The following COL15A1 variants were observed in gnomAD, a reference collection of about 807,000 sequenced individuals.
COL15A1 encodes the protein collagen type XV alpha 1 chain.
A neutral mutation model predicts 165.9 loss-of-function variants in COL15A1; 111 were observed. The observed-to-expected ratio is 0.67, with a 90% CI of 0.57 to 0.78. COL15A1 has a LOEUF of 0.78. COL15A1 is among the 30% of genes least tolerant of loss of function. The pLI is 0.00. For synonymous variants in COL15A1, 659 were observed against 674.8 expected (o/e 0.98, Z 0.36); for missense variants, 1,745 against 1,789.7 (o/e 0.98, Z 0.45).
At chr9:99,024,142 C>T (rs1588520292) in intron 14 of COL15A1, among the ~76,000 whole-genome samples, 1 of 152,154 alleles carries the variant, frequency 6.6e-6, no homozygotes, top group East Asian at 1.9e-4. Context: ...GTTCTGGACT[C>T]CGTGGTTAAA....
rs754689717 is a variant in COL15A1, at chr9:99,070,725, T to C, written c.*839T>C. ...CTGAGAAACATATATCTACATGTTG[T>C]ATAATTGGATTTTTTTTCCATGTAA... is the stretch of plus-strand genomic sequence containing the variant. On this transcript the variant is annotated 3_prime_UTR_variant, in exon 42 of 42. Transcript: ENST00000375001. 22 of 375,498 alleles carry C rather than the reference T, an allele frequency of 5.9e-5. No homozygotes were observed. Among genetic ancestry groups the C allele is most frequent in the Non-Finnish European group, 7.0e-5 (13 of 186,756 alleles). The allele number at this position is 375,498 out of a possible 1,614,324, so 23.3% of individuals were successfully genotyped here.
intron 2 of COL15A1, among the ~76,000 whole-genome samples, chr9:98,966,533 GTA>G (rs1055749857): frequency 6.6e-6 from 1 of 152,204 alleles, no homozygotes; most frequent in African/African-American, 2.4e-5. Context: ...GACCCTAACA[GTA>G]TATAACAGAG....
chr9:99,019,047 G>A lies in COL15A1; in HGVS notation c.1648-1342G>A, dbSNP rs117680963. Among the ~76,000 whole-genome samples, 94 of 152,344 alleles carry A rather than the reference G, an allele frequency of 6.2e-4. 2 individuals carry two copies. The East Asian group carries it at 0.014, about 23-fold the overall frequency. ...AGAGAGAAACGGAGACATGGTTGAT[G>A]TCTGATGAAGACATTCCTGCTAAGT... On this transcript the variant is annotated intron_variant, in intron 11 of 41. Coordinates refer to ENST00000375001, the MANE Select transcript of COL15A1 (RefSeq NM_001855.5).
chr9:98,984,038 CTTTGGCG>C (rs1229722153), intron 2 of COL15A1, among the ~76,000 whole-genome samples: 1 of 152,208 alleles, frequency 6.6e-6, no homozygotes, highest in Non-Finnish European at 1.5e-5. Flanking sequence ...GGCCTCTGGC[CTTTGGCG>C]ATAGCCCAGA....
Position 98,944,027 on chromosome 9 carries a change from G to C in COL15A1, c.-35G>C. The C allele has an allele frequency of 6.2e-7, 1 of 1,613,598 alleles. No homozygotes were observed. The highest frequency in any genetic ancestry group is 1.1e-5 in the South Asian group (1 of 90,992). ...TAAGCTCCAACGCTCTGCTCGACTAGCCGCGCGCCTTCCGGGGCTCCGCAG... is the reference window on the plus strand; with the variant it reads ...TAAGCTCCAACGCTCTGCTCGACTACCCGCGCGCCTTCCGGGGCTCCGCAG... On this transcript the variant is annotated 5_prime_UTR_variant, in exon 1 of 42. Coordinates refer to ENST00000375001, the MANE Select transcript of COL15A1 (RefSeq NM_001855.5).
At chr9:99,007,381 TG>T (rs1386941104) in intron 9 of COL15A1, among the ~76,000 whole-genome samples, 2 of 152,246 alleles carry the variant, frequency 1.3e-5, no homozygotes, top group Non-Finnish European at 2.9e-5. Context: ...TTAGTGATTT[TG>T]GGGGTCCTGA....
chr9:99,004,777 A>G, intron 8 of COL15A1, 121 bp from the exon 9 acceptor site: 4 of 1,081,884 alleles, frequency 3.7e-6, no homozygotes, highest in South Asian at 1.4e-5. Flanking sequence ...GTGGGTTTCC[A>G]TGTGAAGTGA....
chr9:99,047,935 T>A lies in COL15A1; in HGVS notation c.2734-6T>A. 1 of 1,609,992 alleles carries A rather than the reference T, an allele frequency of 6.2e-7. No homozygotes were observed. The highest frequency in any genetic ancestry group is 8.5e-7 in the Non-Finnish European group (1 of 1,176,510). On this transcript the variant is annotated splice_region_variant and splice_polypyrimidine_tract_variant and intron_variant, in intron 27 of 41. Transcript: ENST00000375001. The stretch of plus-strand genomic sequence containing the variant: ...GGTTTACTGAGGTGTCTGCTGTGGG[T>A]TCCAGGGTCGCCCAGGACTGAATGG...
chr9:99,068,489 G>GTT, intron 40 of COL15A1, 66 bp from the exon 41 acceptor site: 1 of 484,708 alleles, frequency 2.1e-6, no homozygotes, highest in Non-Finnish European at 3.4e-6. Context: ...AAAAAAAAGA[G>GTT]TAAAAATCTA....
At chr9:99,002,019 T>C (rs1424977673) in intron 7 of COL15A1, among the ~76,000 whole-genome samples, 1 of 152,150 alleles carries the variant, frequency 6.6e-6, no homozygotes, top group African/African-American at 2.4e-5. Flanking sequence ...AGAGATTTTA[T>C]CTTGTCTATC....
chr9:99,025,452 C>A (rs1839107420), intron 15 of COL15A1, among the ~76,000 whole-genome samples: 1 of 152,200 alleles, frequency 6.6e-6, no homozygotes, highest in South Asian at 2.1e-4. Flanking sequence ...TTAGGCTAGG[C>A]TAAGCTATGA....
intron 2 of COL15A1, among the ~76,000 whole-genome samples, chr9:98,980,072 G>A (rs1281679421): frequency 2.6e-5 from 4 of 152,026 alleles, no homozygotes; most frequent in Non-Finnish European, 5.9e-5. Context: ...AGGTGGAAGG[G>A]TCATTTAAGC....
chr9:99,003,729 T>A, intron 8 of COL15A1, 142 bp downstream of exon 8: 1 of 893,262 alleles, frequency 1.1e-6, no homozygotes, highest in Non-Finnish European at 1.6e-6. Flanking sequence ...GAGTAAGCAC[T>A]AAATAGCATT....
intron 2 of COL15A1, among the ~76,000 whole-genome samples, chr9:98,980,489 C>A (rs969089797): frequency 1.3e-5 from 2 of 152,184 alleles, no homozygotes; most frequent in African/African-American, 4.8e-5. Context: ...GCATTCCTGG[C>A]AGGGGTGGGA....
rs201281345 is a variant in COL15A1 at position 99,044,783 on chromosome 9, G to T, written c.2679+13G>T. The T allele has an allele frequency of 3.7e-6, 6 of 1,611,304 alleles. No individual in the cohort carries two copies. Among genetic ancestry groups the T allele is most frequent in the African/African-American group, 2.7e-5 (2 of 74,860 alleles). On this transcript the variant is annotated intron_variant, in intron 26 of 41. Transcript: ENST00000375001. Reference sequence around the variant, plus strand: ...CCCAGGACCAATGGTAAGTCAGAGCGTCTCTCAGCTGGATCTGGGCTGGGG... The same window carrying T: ...CCCAGGACCAATGGTAAGTCAGAGCTTCTCTCAGCTGGATCTGGGCTGGGG...
intron 9 of COL15A1, 37 bp downstream of exon 9, chr9:99,005,087 G>T (rs749246428): frequency 1.9e-6 from 3 of 1,545,628 alleles, no homozygotes; most frequent in East Asian, 4.6e-5. Flanking sequence ...TGAGGTCATG[G>T]TGGGAGCAGC....
At chr9:99,007,604 A>C (rs150427980) in intron 9 of COL15A1, among the ~76,000 whole-genome samples, 2,304 of 152,276 alleles carry the variant, frequency 0.015, 66 homozygotes, top group African/African-American at 0.052. Flanking sequence ...AGGGAGAAAA[A>C]CAACAAATAA....
At chr9:98,952,568 C>T (rs1447368688) in intron 2 of COL15A1, among the ~76,000 whole-genome samples, 1 of 151,880 alleles carries the variant, frequency 6.6e-6, no homozygotes, top group Non-Finnish European at 1.5e-5. Context: ...TATAATCTCT[C>T]TTTTTTTTAA....
intron 2 of COL15A1, among the ~76,000 whole-genome samples, chr9:98,951,483 C>T (rs1244531613): frequency 2.0e-5 from 3 of 152,242 alleles, no homozygotes; most frequent in Non-Finnish European, 4.4e-5. Flanking sequence ...TGGACTTCAG[C>T]TCACATCAAA....
Sources: gnomAD v4.1 joint callset for allele counts (sites outside exome capture counted in the v4.1 genomes callset) on GRCh38, gnomAD v4.1.1 for gene constraint, MANE v1.5 for transcripts, NCBI Gene and HGNC (gene_info 2026-07-23, HGNC 2026-07-21) for gene names.